Variants in CDK14 observed in about 807,000 individuals in gnomAD.
CDK14 encodes the protein cyclin-dependent kinase 14.
CDK14 carries 34 observed loss-of-function variants against 60.7 expected under a neutral mutation model. The ratio of observed to expected loss-of-function variants is 0.56; its 90% CI spans 0.43 to 0.75. The LOEUF (loss-of-function observed/expected upper bound fraction) is 0.75, where lower values mean the gene tolerates loss of function less well. Ranked by LOEUF, CDK14 falls within the 30% of genes least tolerant of loss-of-function variation. The pLI is 0.00. For missense variants in CDK14, 482 were observed against 564.1 expected (o/e 0.85, Z 1.47); for synonymous variants, 197 against 203.7 (o/e 0.97, Z 0.28).
At chr7:90,648,957 T>C (rs548420485) in intron 2 of CDK14, among the ~76,000 whole-genome samples, 2 of 152,280 alleles carry the variant, frequency 1.3e-5, no homozygotes, top group African/African-American at 2.4e-5. Context: ...GAGTTCTCAG[T>C]TGAGGGACTT....
chr7:91,010,831 TCCTCCCTC>T (rs1185539845), intron 10 of CDK14, among the ~76,000 whole-genome samples: 82 of 64,026 alleles, frequency 1.3e-3, no homozygotes, highest in African/African-American at 1.9e-3. Flanking sequence ...CTTCCTTCCT[TCCTCCCTC>T]CCTCCCTCCC....
chr7:91,086,473 C>G (rs928490177), intron 12 of CDK14, among the ~76,000 whole-genome samples: 1 of 151,970 alleles, frequency 6.6e-6, no homozygotes, highest in African/African-American at 2.4e-5. Flanking sequence ...TTTTGAACTC[C>G]CTTAAGAATT....
chr7:90,721,575 TG>T (rs1802454861), intron 2 of CDK14, among the ~76,000 whole-genome samples: 1 of 152,186 alleles, frequency 6.6e-6, no homozygotes, highest in African/African-American at 2.4e-5. Flanking sequence ...AACAGCTGGA[TG>T]TTTCCTGGCT....
chr7:90,814,018 TTATC>T (rs1191327049), intron 5 of CDK14, among the ~76,000 whole-genome samples: 1 of 152,314 alleles, frequency 6.6e-6, no homozygotes, highest in East Asian at 1.9e-4. Context: ...TTTAATATCT[TTATC>T]TATTTCTCTT....
intron 2 of CDK14, among the ~76,000 whole-genome samples, chr7:90,615,409 G>A (rs1401591726): frequency 6.6e-6 from 1 of 152,160 alleles, no homozygotes; most frequent in African/African-American, 2.4e-5. Context: ...ATAAAGTGTG[G>A]TATTTAGAAT....
chr7:91,088,781 C>A (rs1318781100), intron 12 of CDK14, among the ~76,000 whole-genome samples: 1 of 152,096 alleles, frequency 6.6e-6, no homozygotes, highest in African/African-American at 2.4e-5. Flanking sequence ...AGAGAACTTC[C>A]CTTAAATTAT....
chr7:91,061,841 G>C (rs1010332783), intron 11 of CDK14, among the ~76,000 whole-genome samples: 20 of 152,296 alleles, frequency 1.3e-4, no homozygotes, highest in Admixed American at 2.6e-4. Context: ...AGGCTACTTG[G>C]GGGTCAGGGA....
intron 2 of CDK14, among the ~76,000 whole-genome samples, chr7:90,659,372 A>G (rs998167630): frequency 5.9e-5 from 9 of 152,196 alleles, no homozygotes; most frequent in Admixed American, 2.0e-4. Context: ...TCAGACCCCA[A>G]AGGGTTAGAT....
At chr7:90,920,196 A>T (rs543653804) in intron 8 of CDK14, among the ~76,000 whole-genome samples, 1 of 152,360 alleles carries the variant, frequency 6.6e-6, no homozygotes, top group Non-Finnish European at 1.5e-5. Flanking sequence ...GGATGGTTCC[A>T]GGCAGCAAAA....
intron 2 of CDK14, among the ~76,000 whole-genome samples, chr7:90,608,847 AT>A (rs57883638): frequency 0.017 from 2,660 of 152,310 alleles, 75 homozygotes; most frequent in African/African-American, 0.061. Context: ...ATTAAAAAAA[AT>A]TCTACATCTG....
At chr7:91,074,598 G>A (rs1798241815) in intron 11 of CDK14, among the ~76,000 whole-genome samples, 1 of 152,112 alleles carries the variant, frequency 6.6e-6, no homozygotes, top group African/African-American at 2.4e-5. Flanking sequence ...AACTAGAGAA[G>A]CAAGAGCAAA....
At chr7:90,998,679 G>A (rs938565184) in intron 10 of CDK14, among the ~76,000 whole-genome samples, 5 of 152,168 alleles carry the variant, frequency 3.3e-5, no homozygotes, top group African/African-American at 1.2e-4. Flanking sequence ...ACGAAGTCAG[G>A]AGATCAAGAT....
chr7:91,045,619 T>C (rs1460027389), intron 10 of CDK14, among the ~76,000 whole-genome samples: 1 of 152,172 alleles, frequency 6.6e-6, no homozygotes, highest in Admixed American at 6.5e-5. Context: ...AGCTCATTGT[T>C]TGATTCCTTA....
At chr7:90,704,866 G>A (rs1406251202) in intron 2 of CDK14, among the ~76,000 whole-genome samples, 1 of 152,066 alleles carries the variant, frequency 6.6e-6, no homozygotes, top group Non-Finnish European at 1.5e-5. Flanking sequence ...ATATGAGATT[G>A]TAAGTAGTGA....
chr7:91,009,429 ACT>A (rs1196084804), intron 10 of CDK14, among the ~76,000 whole-genome samples: 2 of 151,728 alleles, frequency 1.3e-5, no homozygotes, highest in Non-Finnish European at 2.9e-5. Flanking sequence ...TGTATGCTTA[ACT>A]CTTTTAAAAA....
intron 10 of CDK14, among the ~76,000 whole-genome samples, chr7:91,040,732 G>A (rs564996165): frequency 6.6e-6 from 1 of 152,092 alleles, no homozygotes; most frequent in Non-Finnish European, 1.5e-5. Context: ...GAGACCTCTC[G>A]GTCCCCTTGA....
intron 4 of CDK14, among the ~76,000 whole-genome samples, chr7:90,762,535 A>G (rs1804359834): frequency 6.6e-6 from 1 of 152,220 alleles, no homozygotes; most frequent in Non-Finnish European, 1.5e-5. Flanking sequence ...TTAAAATGTA[A>G]TTGGTCTAAA....
intron 5 of CDK14, among the ~76,000 whole-genome samples, chr7:90,815,464 T>C (rs1425707700): frequency 6.6e-6 from 1 of 152,194 alleles, no homozygotes; most frequent in Non-Finnish European, 1.5e-5. Context: ...TTTTACACTA[T>C]TGGTGGAGTG....
chr7:91,021,070 C>T (rs1044987525), intron 10 of CDK14, among the ~76,000 whole-genome samples: 6 of 152,304 alleles, frequency 3.9e-5, no homozygotes, highest in Non-Finnish European at 5.9e-5. Flanking sequence ...CTTGCTCCTT[C>T]AAAGCCAGTA....
Sources: allele counts gnomAD v4.1 joint callset (sites outside exome capture counted in the v4.1 genomes callset), GRCh38; gene constraint gnomAD v4.1.1; transcripts MANE v1.5; gene names NCBI Gene and HGNC (gene_info 2026-07-23, HGNC 2026-07-21).